RBMS3: variants seen among roughly 807,000 people sequenced by gnomAD.
The protein encoded by RBMS3 is RNA-binding motif, single-stranded-interacting protein 3.
In RBMS3, 27 loss-of-function variants were observed where a neutral mutation model predicts 66.8. The observed-to-expected ratio is 0.40, with a 90% CI of 0.30 to 0.56. The LOEUF is 0.56. RBMS3 is among the 20% of genes least tolerant of loss of function. RBMS3 has a pLI of 0.40. For synonymous variants in RBMS3, 188 were observed against 183.0 expected (o/e 1.03, Z -0.22); for missense variants, 513 against 549.5 (o/e 0.93, Z 0.66).
intron 1 of RBMS3, among the ~76,000 whole-genome samples, chr3:29,288,527 G>A (rs561859718): frequency 1.3e-5 from 2 of 152,026 alleles, no homozygotes; most frequent in South Asian, 4.1e-4. Flanking sequence ...AAATTAAGGT[G>A]TATCCAAAAA....
At chr3:29,356,047 G>T (rs1178138892) in intron 1 of RBMS3, among the ~76,000 whole-genome samples, 1 of 152,130 alleles carries the variant, frequency 6.6e-6, no homozygotes, top group African/African-American at 2.4e-5. Context: ...AGAAGTTATT[G>T]AAAGAGATGT....
At chr3:29,960,087 C>G (rs1323879876) in intron 12 of RBMS3, among the ~76,000 whole-genome samples, 1 of 152,164 alleles carries the variant, frequency 6.6e-6, no homozygotes, top group Non-Finnish European at 1.5e-5. Context: ...AAAGTCTCAT[C>G]AGAGACAAGG....
At chr3:29,306,709 A>G (rs1180627243) in intron 1 of RBMS3, among the ~76,000 whole-genome samples, 2 of 151,866 alleles carry the variant, frequency 1.3e-5, no homozygotes, top group Non-Finnish European at 1.5e-5. Flanking sequence ...GAGTGTCCCT[A>G]TAGAAGAGCC....
intron 6 of RBMS3, among the ~76,000 whole-genome samples, chr3:29,802,739 T>C (rs1053268442): frequency 6.6e-6 from 1 of 152,200 alleles, no homozygotes; most frequent in African/African-American, 2.4e-5. Flanking sequence ...GGTAAAATTC[T>C]GACAGAGAAG....
intron 2 of RBMS3, among the ~76,000 whole-genome samples, chr3:29,459,771 T>C (rs1040198452): frequency 2.6e-5 from 4 of 152,230 alleles, no homozygotes; most frequent in African/African-American, 9.6e-5. Context: ...TAGATGCACT[T>C]CTGTAATATA....
At chr3:29,653,147 G>A (rs887834006) in intron 4 of RBMS3, among the ~76,000 whole-genome samples, 1 of 152,070 alleles carries the variant, frequency 6.6e-6, no homozygotes, top group African/African-American at 2.4e-5. Flanking sequence ...TGGTGGTGGC[G>A]CCATGGTGGA....
At chr3:29,599,441 G>T (rs1055278872) in intron 4 of RBMS3, among the ~76,000 whole-genome samples, 3 of 151,082 alleles carry the variant, frequency 2.0e-5, no homozygotes, top group African/African-American at 7.3e-5. Context: ...AGAAAAAAAA[G>T]TGAGTGGCGG....
chr3:29,863,602 T>C (rs1559748727), intron 6 of RBMS3, among the ~76,000 whole-genome samples: 1 of 152,168 alleles, frequency 6.6e-6, no homozygotes, highest in African/African-American at 2.4e-5. Flanking sequence ...TCAGGGTGGC[T>C]AAATTTTTAG....
At chr3:29,470,759 AAATG>A (rs1245371478) in intron 2 of RBMS3, among the ~76,000 whole-genome samples, 5 of 152,142 alleles carry the variant, frequency 3.3e-5, no homozygotes, top group African/African-American at 1.2e-4. Flanking sequence ...ATGACAGTAA[AAATG>A]AATTAAATGA....
intron 4 of RBMS3, among the ~76,000 whole-genome samples, chr3:29,591,522 C>T (rs1333954016): frequency 6.6e-6 from 1 of 152,156 alleles, no homozygotes; most frequent in Non-Finnish European, 1.5e-5. Context: ...CAATAAGTTC[C>T]TTGGTTATCC....
At chr3:29,547,832 GAC>G (rs2046022673) in intron 3 of RBMS3, among the ~76,000 whole-genome samples, 1 of 47,912 alleles carries the variant, frequency 2.1e-5, no homozygotes, top group African/African-American at 8.0e-5. Context: ...TTTTTTTTTT[GAC>G]AGAGTCTCAT....
At position 29,647,502 on chromosome 3, in the gene RBMS3, A is replaced by G. The variant is rs146411565; in HGVS notation, c.399+60297A>G. On this transcript the variant is annotated intron_variant, in intron 4 of 14. Coordinates refer to ENST00000383767, the MANE Select transcript of RBMS3 (RefSeq NM_001003793.3). The stretch of plus-strand genomic sequence containing the variant: ...AAATGTTCCATTGTCATGTTTCTAG[A>G]TAGAGGTGGAAACCATAACAACTAA... 3.3e-5 allele frequency among the ~76,000 whole-genome samples: 5 copies of G among 152,338 alleles called. No homozygotes were observed. In the East Asian group the frequency reaches 9.6e-4, roughly 29 times the overall value.
chr3:30,009,019 T>A lies in RBMS3; in HGVS notation c.*5157T>A, dbSNP rs1699883161. On this transcript the variant is annotated 3_prime_UTR_variant, in exon 15 of 15. Transcript: ENST00000383767. ...AGGGATGAATGGCTTTCAATATTCA[T>A]TTCTGTTTATTTTTGTGAGGGAAAA... 1 of 152,132 alleles carries A rather than the reference T, an allele frequency of 6.6e-6. No individual in the cohort carries two copies. The highest frequency in any genetic ancestry group is 2.1e-4 in the South Asian group (1 of 4,832). The allele number at this position is 152,132 out of a possible 1,614,324, so 9.4% of individuals were successfully genotyped here.
chr3:29,983,883 T>C (rs543551542), intron 12 of RBMS3, among the ~76,000 whole-genome samples: 1 of 152,294 alleles, frequency 6.6e-6, no homozygotes, highest in Non-Finnish European at 1.5e-5. Context: ...CTGATGAATA[T>C]GTGTCTTGGG....
intron 3 of RBMS3, among the ~76,000 whole-genome samples, chr3:29,502,992 C>T (rs1389068200): frequency 6.6e-6 from 1 of 152,108 alleles, no homozygotes; most frequent in African/African-American, 2.4e-5. Context: ...GTTAAGACCT[C>T]TGAGGAGGCC....
At chr3:29,536,030 A>T (rs1162365535) in intron 3 of RBMS3, among the ~76,000 whole-genome samples, 1 of 152,150 alleles carries the variant, frequency 6.6e-6, no homozygotes, top group South Asian at 2.1e-4. Flanking sequence ...TTAGCTAGAC[A>T]TATATGTTAC....
intron 5 of RBMS3, among the ~76,000 whole-genome samples, chr3:29,750,292 A>G (rs745942573): frequency 2.6e-5 from 4 of 152,176 alleles, no homozygotes; most frequent in Non-Finnish European, 4.4e-5. Context: ...TTTTTGAAGA[A>G]TGGACTATAG....
intron 12 of RBMS3, among the ~76,000 whole-genome samples, chr3:29,949,384 C>A (rs532237615): frequency 6.6e-6 from 1 of 151,718 alleles, no homozygotes; most frequent in African/African-American, 2.4e-5. Flanking sequence ...ACACAAGCCA[C>A]GTGCAAATAA....
intron 1 of RBMS3, among the ~76,000 whole-genome samples, chr3:29,311,801 TA>T (rs998304846): frequency 4.9e-4 from 75 of 151,534 alleles, no homozygotes; most frequent in African/African-American, 1.8e-3. Context: ...GGTGAAGGAA[TA>T]AGGGTATGAA....
Sources: allele counts gnomAD v4.1 joint callset (sites outside exome capture counted in the v4.1 genomes callset), GRCh38; gene constraint gnomAD v4.1.1; transcripts MANE v1.5; gene names NCBI Gene and HGNC (gene_info 2026-07-23, HGNC 2026-07-21).